The following POU6F2 variants were observed in gnomAD, a reference collection of about 807,000 sequenced individuals.
POU6F2 encodes the protein POU class 6 homeobox 2.
POU6F2 carries 31 observed loss-of-function variants against 71.3 expected under a neutral mutation model. The observed-to-expected ratio is 0.43, with a 90% CI of 0.33 to 0.59. The LOEUF (loss-of-function observed/expected upper bound fraction) is 0.59, where lower values mean the gene tolerates loss of function less well. Ranked by LOEUF, POU6F2 falls within the 20% of genes least tolerant of loss-of-function variation. POU6F2 has a pLI of 0.04. For synonymous variants in POU6F2, 347 were observed against 355.7 expected (o/e 0.98, Z 0.27); for missense variants, 783 against 856.8 (o/e 0.91, Z 1.07).
At chr7:39,047,800 A>T (rs1450896958) in intron 1 of POU6F2, among the ~76,000 whole-genome samples, 1 of 151,946 alleles carries the variant, frequency 6.6e-6, no homozygotes, top group Non-Finnish European at 1.5e-5. Context: ...CTTTTTCTAC[A>T]TCTGTAAAAT....
intron 8 of POU6F2, among the ~76,000 whole-genome samples, chr7:39,454,659 T>TAGATAG (rs1788744216): frequency 1.0e-4 from 1 of 10,036 alleles, no homozygotes; most frequent in African/African-American, 5.0e-4. Flanking sequence ...ACCAGGGATA[T>TAGATAG]ATATATATAT....
intron 6 of POU6F2, among the ~76,000 whole-genome samples, chr7:39,416,995 T>C (rs1234762092): frequency 1.3e-5 from 2 of 152,172 alleles, no homozygotes; most frequent in African/African-American, 2.4e-5. Context: ...AAGCCATTTA[T>C]ATCTCAGCTT....
chr7:39,202,217 A>T (rs62443961), intron 2 of POU6F2, among the ~76,000 whole-genome samples: 2 of 152,178 alleles, frequency 1.3e-5, no homozygotes, highest in Non-Finnish European at 2.9e-5. Context: ...TGCCTGTGTG[A>T]GACCAATCCT....
intron 4 of POU6F2, among the ~76,000 whole-genome samples, chr7:39,262,978 T>C (rs12701705): frequency 0.43 from 64,902 of 151,948 alleles, 14,880 homozygotes; most frequent in Admixed American, 0.59. Context: ...AGGTACCATG[T>C]TCTGCTCATC....
chr7:39,067,881 T>C (rs1790791535), intron 1 of POU6F2, among the ~76,000 whole-genome samples: 1 of 152,168 alleles, frequency 6.6e-6, no homozygotes, highest in African/African-American at 2.4e-5. Flanking sequence ...CCACTTTCCA[T>C]CTAATAGGTT....
intron 5 of POU6F2, chr7:39,406,304 AC>A (rs1310720424): frequency 5.4e-6 from 2 of 373,658 alleles, no homozygotes; most frequent in African/African-American, 4.0e-5. Flanking sequence ...TCATTTCTCC[AC>A]CCCAGAAGGT....
At chr7:39,424,075 A>G (rs1200962991) in intron 6 of POU6F2, among the ~76,000 whole-genome samples, 1 of 152,244 alleles carries the variant, frequency 6.6e-6, no homozygotes, top group African/African-American at 2.4e-5. Context: ...TCCTGGTCAC[A>G]GACAGCTATC....
At chr7:39,245,811 A>G (rs1783809186) in intron 4 of POU6F2, among the ~76,000 whole-genome samples, 1 of 152,142 alleles carries the variant, frequency 6.6e-6, no homozygotes, top group South Asian at 2.1e-4. Context: ...AAAGAAGACC[A>G]CGTAATTTGA....
At chr7:39,348,470 C>T (rs1209560708) in intron 5 of POU6F2, among the ~76,000 whole-genome samples, 1 of 152,114 alleles carries the variant, frequency 6.6e-6, no homozygotes, top group Non-Finnish European at 1.5e-5. Flanking sequence ...CTCTCTTTTT[C>T]TCATCACAAC....
chr7:39,133,678 C>T (rs1792333038), intron 2 of POU6F2, among the ~76,000 whole-genome samples: 1 of 152,160 alleles, frequency 6.6e-6, no homozygotes. Context: ...GTCTTGTTCT[C>T]CTTAGTGTCA....
chr7:39,284,397 T>C (rs1231013495), intron 4 of POU6F2, among the ~76,000 whole-genome samples: 1 of 152,226 alleles, frequency 6.6e-6, no homozygotes, highest in Non-Finnish European at 1.5e-5. Context: ...TTGGTGGGGT[T>C]TGAAAAGGCT....
At chr7:39,381,975 T>G (rs1786838226) in intron 5 of POU6F2, among the ~76,000 whole-genome samples, 1 of 151,940 alleles carries the variant, frequency 6.6e-6, no homozygotes, top group South Asian at 2.1e-4. Flanking sequence ...GGGTAACAAC[T>G]CCCCTGTTAG....
chr7:39,374,722 G>A (rs1017465864), intron 5 of POU6F2, among the ~76,000 whole-genome samples: 1 of 152,160 alleles, frequency 6.6e-6, no homozygotes, highest in African/African-American at 2.4e-5. Flanking sequence ...TGGAGGAGTG[G>A]GGAGGCATTT....
intron 5 of POU6F2, among the ~76,000 whole-genome samples, chr7:39,352,986 TGTAA>T (rs1343637935): frequency 2.0e-5 from 3 of 152,200 alleles, no homozygotes; most frequent in African/African-American, 4.8e-5. Flanking sequence ...AGCTCCCACC[TGTAA>T]GTGAGAACAT....
At chr7:39,255,452 C>T (rs528332680) in intron 4 of POU6F2, among the ~76,000 whole-genome samples, 10 of 152,266 alleles carry the variant, frequency 6.6e-5, no homozygotes, top group African/African-American at 2.2e-4. Flanking sequence ...CAAAGAAGCA[C>T]GCCTTTCTCA....
chr7:39,043,848 C>T (rs1398128174), intron 1 of POU6F2, among the ~76,000 whole-genome samples: 1 of 151,896 alleles, frequency 6.6e-6, no homozygotes, highest in Admixed American at 6.6e-5. Flanking sequence ...AGTCTTGATC[C>T]ATTCTGCCCC....
intron 2 of POU6F2, among the ~76,000 whole-genome samples, chr7:39,117,377 A>T (rs1791952503): frequency 1.3e-5 from 2 of 152,128 alleles, no homozygotes; most frequent in South Asian, 2.1e-4. Context: ...TAAAACCAAA[A>T]ATGTTAGAGT....
chr7:39,418,937 G>GTATATA (rs1562544120), intron 6 of POU6F2, among the ~76,000 whole-genome samples: 1 of 129,914 alleles, frequency 7.7e-6, no homozygotes, highest in Non-Finnish European at 1.6e-5. Flanking sequence ...ATGTATATAT[G>GTATATA]TGTATATATG....
chr7:39,020,249 C>T (rs1211944983), intron 1 of POU6F2, among the ~76,000 whole-genome samples: 1 of 152,122 alleles, frequency 6.6e-6, no homozygotes, highest in Admixed American at 6.6e-5. Flanking sequence ...CTTTATAATG[C>T]TGCATGATGA....
Sources: gnomAD v4.1 joint callset for allele counts (sites outside exome capture counted in the v4.1 genomes callset) on GRCh38, gnomAD v4.1.1 for gene constraint, MANE v1.5 for transcripts, NCBI Gene and HGNC (gene_info 2026-07-23, HGNC 2026-07-21) for gene names.